TRPM3: variants seen among roughly 807,000 people sequenced by gnomAD.
TRPM3 encodes the protein transient receptor potential cation channel subfamily M member 3, also known as long transient receptor potential channel 3.
A neutral mutation model predicts 181.2 loss-of-function variants in TRPM3; 77 were observed. That is an observed-to-expected ratio of 0.42 (90% CI 0.35 to 0.51). The LOEUF is 0.51. Among genes scored for constraint, TRPM3 ranks in the 20% least tolerant of loss-of-function variants. The pLI is 0.01. For synonymous variants in TRPM3, 745 were observed against 796.4 expected, an observed-to-expected ratio of 0.94 and a Z score of 1.09; for missense variants, 1,759 against 2,196.7, an observed-to-expected ratio of 0.80 and a Z score of 3.98.
At chr9:70,546,169 A>C (rs111635554) in intron 25 of TRPM3, among the ~76,000 whole-genome samples, 1 of 152,242 alleles carries the variant, frequency 6.6e-6, no homozygotes, top group African/African-American at 2.4e-5. Context: ...ACAGTGAATA[A>C]TTCAGCACCA....
intron 1 of TRPM3, among the ~76,000 whole-genome samples, chr9:70,933,409 T>C (rs939232430): frequency 2.0e-5 from 3 of 152,178 alleles, no homozygotes; most frequent in Admixed American, 2.0e-4. Flanking sequence ...AATGCTTAAG[T>C]ATCCAGAGAA....
intron 1 of TRPM3, among the ~76,000 whole-genome samples, chr9:71,195,303 T>C (rs994073066): frequency 6.6e-6 from 1 of 151,908 alleles, no homozygotes; most frequent in Admixed American, 6.6e-5. Flanking sequence ...AACTTAAATT[T>C]ACAAGAAAAA....
intron 1 of TRPM3, among the ~76,000 whole-genome samples, chr9:71,074,057 C>T (rs572369938): frequency 4.6e-5 from 7 of 152,100 alleles, no homozygotes; most frequent in South Asian, 2.1e-4. Flanking sequence ...AGTTACAACA[C>T]GCATTTTTCT....
chr9:70,578,753 A>G lies in TRPM3; in HGVS notation c.3223+12278T>C, dbSNP rs564865992. Among the ~76,000 whole-genome samples, 4 of 152,338 alleles carry G rather than the reference A, an allele frequency of 2.6e-5. No individual in the cohort carries two copies. In the East Asian group the frequency reaches 7.7e-4, roughly 29 times the overall value. ...CAAGTTGAGGCAACTACATTGTGTC[A>G]TCTCTTTCAGAAGCAATCAGGAGTT... On this transcript the variant is annotated intron_variant, in intron 22 of 25. Coordinates refer to ENST00000677713, the MANE Select transcript of TRPM3 (RefSeq NM_001366145.2).
chr9:70,925,251 T>C (rs2096709537), intron 1 of TRPM3, among the ~76,000 whole-genome samples: 1 of 152,198 alleles, frequency 6.6e-6, no homozygotes, highest in Non-Finnish European at 1.5e-5. Flanking sequence ...ATTGGTATTA[T>C]TAAAATTGCT....
At chr9:70,824,537 C>G (rs2093424585) in intron 6 of TRPM3, 1 of 152,048 alleles carries the variant, frequency 6.6e-6, no homozygotes, top group Admixed American at 6.5e-5. Flanking sequence ...AAACAATTCT[C>G]CTGCCTCAGT....
chr9:70,905,985 G>T (rs549854200), intron 1 of TRPM3, among the ~76,000 whole-genome samples: 1 of 152,038 alleles, frequency 6.6e-6, no homozygotes, highest in Non-Finnish European at 1.5e-5. Flanking sequence ...GCCTCTCAAG[G>T]TGTTGAGATT....
At chr9:71,196,119 A>T (rs2078335142) in intron 1 of TRPM3, among the ~76,000 whole-genome samples, 1 of 151,758 alleles carries the variant, frequency 6.6e-6, no homozygotes, top group Non-Finnish European at 1.5e-5. Flanking sequence ...TGAACCCAAA[A>T]GTTAATATTT....
At chr9:71,278,265 T>A (rs2084380385) in intron 1 of TRPM3, among the ~76,000 whole-genome samples, 1 of 152,148 alleles carries the variant, frequency 6.6e-6, no homozygotes, top group Non-Finnish European at 1.5e-5. Context: ...ATCAACAACC[T>A]TTGTAGAGGT....
chr9:70,820,389 T>G (rs2093059775), intron 6 of TRPM3, among the ~76,000 whole-genome samples: 1 of 152,150 alleles, frequency 6.6e-6, no homozygotes, highest in Admixed American at 6.5e-5. Context: ...TTTTGTTTGT[T>G]TGTTTGTTTG....
intron 1 of TRPM3, among the ~76,000 whole-genome samples, chr9:71,329,488 G>C (rs756224635): frequency 1.3e-5 from 2 of 152,134 alleles, no homozygotes; most frequent in African/African-American, 4.8e-5. Context: ...GTTCAAAGGG[G>C]CCATAAAGAT....
intron 6 of TRPM3, among the ~76,000 whole-genome samples, chr9:70,823,840 T>C (rs1016272792): frequency 6.6e-6 from 1 of 152,320 alleles, no homozygotes; most frequent in Admixed American, 6.5e-5. Flanking sequence ...TTTAAAAAAC[T>C]GTAGATGGAA....
At chr9:70,588,306 C>T (rs928718674) in intron 22 of TRPM3, among the ~76,000 whole-genome samples, 3 of 152,196 alleles carry the variant, frequency 2.0e-5, no homozygotes, top group African/African-American at 2.4e-5. Flanking sequence ...GGTAACATTG[C>T]CTCCCAGAAG....
intron 1 of TRPM3, among the ~76,000 whole-genome samples, chr9:71,200,469 G>A (rs2078707621): frequency 6.6e-6 from 1 of 151,288 alleles, no homozygotes; most frequent in Non-Finnish European, 1.5e-5. Context: ...AGTTGACAGT[G>A]GGGTGTTAAA....
chr9:70,539,046 T>C (rs956553264), intron 25 of TRPM3, among the ~76,000 whole-genome samples: 6 of 152,236 alleles, frequency 3.9e-5, no homozygotes, highest in Admixed American at 3.9e-4. Context: ...AGGATTAAAG[T>C]TACTTTTTCC....
At chr9:71,264,507 C>A (rs1054716109) in intron 1 of TRPM3, among the ~76,000 whole-genome samples, 3 of 152,244 alleles carry the variant, frequency 2.0e-5, no homozygotes, top group East Asian at 1.9e-4. Flanking sequence ...ATAAAAATAG[C>A]CTCCTCTTAA....
At chr9:70,668,801 T>C (rs2062348553) in intron 9 of TRPM3, among the ~76,000 whole-genome samples, 1 of 152,172 alleles carries the variant, frequency 6.6e-6, no homozygotes, top group Non-Finnish European at 1.5e-5. Context: ...TTATTATTAA[T>C]GTAAGCTACT....
chr9:71,421,619 G>A (rs895675175), intron 1 of TRPM3, among the ~76,000 whole-genome samples: 3 of 151,798 alleles, frequency 2.0e-5, no homozygotes, highest in Non-Finnish European at 2.9e-5. Context: ...AATAAGAAAT[G>A]CATCATTTTG....
chr9:71,126,207 A>G (rs575192151), upstream of TRPM3, among the ~76,000 whole-genome samples: 2 of 152,338 alleles, frequency 1.3e-5, no homozygotes, highest in Non-Finnish European at 2.9e-5. Flanking sequence ...CAGAATGACA[A>G]TTATCAAAAA....
Sources: allele counts gnomAD v4.1 joint callset (sites outside exome capture counted in the v4.1 genomes callset), GRCh38; gene constraint gnomAD v4.1.1; transcripts MANE v1.5; gene names NCBI Gene and HGNC (gene_info 2026-07-23, HGNC 2026-07-21).